ADD3: variants seen among roughly 807,000 people sequenced by gnomAD.
The protein encoded by ADD3 is gamma-adducin.
ADD3 carries 25 observed loss-of-function variants against 80.2 expected under a neutral mutation model. The ratio of observed to expected loss-of-function variants is 0.31; its 90% confidence interval spans 0.23 to 0.44. ADD3 has a LOEUF of 0.44. ADD3 is among the 20% of genes least tolerant of loss of function. The pLI is 1.00. For synonymous variants in ADD3, 284 were observed against 289.6 expected (o/e 0.98, Z 0.20); for missense variants, 829 against 847.5 (o/e 0.98, Z 0.27).
chr10:110,047,090 A>G (rs1001371833), intron 1 of ADD3, among the ~76,000 whole-genome samples: 2 of 152,204 alleles, frequency 1.3e-5, no homozygotes, highest in African/African-American at 2.4e-5. Context: ...TTTAAAAGCC[A>G]TGCTATTCTA....
intron 2 of ADD3, among the ~76,000 whole-genome samples, chr10:110,110,859 G>C (rs566767338): frequency 5.1e-4 from 77 of 152,118 alleles, no homozygotes; most frequent in African/African-American, 1.7e-3. Context: ...GCCGGGCATG[G>C]TTGTGCACAC....
At chr10:110,122,501 T>C (rs1183844224) in intron 9 of ADD3, among the ~76,000 whole-genome samples, 1 of 152,196 alleles carries the variant, frequency 6.6e-6, no homozygotes, top group Non-Finnish European at 1.5e-5. Context: ...TATATTGTTA[T>C]TAACTGTAGT....
At chr10:110,061,282 G>A (rs1858853347) in intron 1 of ADD3, among the ~76,000 whole-genome samples, 1 of 152,216 alleles carries the variant, frequency 6.6e-6, no homozygotes, top group African/African-American at 2.4e-5. Context: ...GTAGTAGAGA[G>A]GGACTTATGG....
intron 1 of ADD3, among the ~76,000 whole-genome samples, chr10:110,019,236 T>C (rs1295106896): frequency 6.6e-6 from 1 of 152,224 alleles, no homozygotes; most frequent in Non-Finnish European, 1.5e-5. Context: ...TTTCAGATTT[T>C]AGATTTGTTC....
intron 6 of ADD3, 93 bp downstream of exon 6, chr10:110,118,829 A>C (rs1036004930): frequency 2.3e-6 from 3 of 1,286,400 alleles, no homozygotes; most frequent in African/African-American, 1.5e-5. Flanking sequence ...CTGCTTTTCA[A>C]AATCATATTT....
intron 1 of ADD3, among the ~76,000 whole-genome samples, chr10:110,062,351 G>T (rs1240217147): frequency 2.6e-5 from 4 of 151,030 alleles, no homozygotes; most frequent in African/African-American, 7.3e-5. Context: ...CCAAGATCAT[G>T]CCATTGCATG....
intron 1 of ADD3, among the ~76,000 whole-genome samples, chr10:110,032,844 A>G (rs1043741574): frequency 6.6e-6 from 1 of 152,194 alleles, no homozygotes; most frequent in Admixed American, 6.5e-5. Context: ...ATTTCTCTTC[A>G]TCTAAAGTAT....
intron 5 of ADD3, among the ~76,000 whole-genome samples, chr10:110,118,074 A>ACACACACACACACACACACAC (rs1565014036): frequency 7.2e-6 from 1 of 138,864 alleles, no homozygotes; most frequent in Non-Finnish European, 1.6e-5. Context: ...ACACACACAC[A>ACACACACACACACACACACAC]ATGTTCATAG....
chr10:110,068,442 A>C (rs569321289), intron 1 of ADD3, among the ~76,000 whole-genome samples: 1 of 152,360 alleles, frequency 6.6e-6, no homozygotes, highest in Admixed American at 6.5e-5. Flanking sequence ...TGTATTAGGC[A>C]TCATAAGTAA....
At chr10:110,031,614 G>A (rs1235510028) in intron 1 of ADD3, among the ~76,000 whole-genome samples, 2 of 151,894 alleles carry the variant, frequency 1.3e-5, no homozygotes, top group African/African-American at 2.4e-5. Flanking sequence ...TTGGCAAATG[G>A]TGTTGACTGA....
At chr10:110,120,372 A>G (rs1347006253) in intron 8 of ADD3, among the ~76,000 whole-genome samples, 20 of 150,196 alleles carry the variant, frequency 1.3e-4, no homozygotes, top group African/African-American at 4.4e-4. Context: ...ATGATTTCCA[A>G]TTTCATCCAT....
Position 110,118,598 on chromosome 10 carries a change from T to C in ADD3, c.579T>C (p.Asn193=). 6.2e-7 allele frequency: 1 copy of C among 1,613,874 alleles called. No individual in the cohort carries two copies. The highest frequency in any genetic ancestry group is 8.5e-7 in the Non-Finnish European group (1 of 1,179,760). The change falls in exon 6 of 15, where the codon AAT becomes AAC. Residue 193 remains asparagine (N), a synonymous_variant. Transcript: ENST00000356080. ...CTGATTTTTTCCAGGTGAAAGTCAA[T>C]ATAATAGGAGAAGTGGTTGACCAGG... is the stretch of plus-strand genomic sequence containing the variant. ...EATASNLVKV[N]IIGEVVDQGS...
chr10:110,005,992 T>TGCTGCTGCTGCTGCCGCCGCC (rs1554894480), upstream of ADD3: 1 of 244,856 alleles, frequency 4.1e-6, no homozygotes, highest in Non-Finnish European at 8.3e-6. Context: ...CTGCTAATGC[T>TGCTGCTGCTGCTGCCGCCGCC]GCTGCTGCTG....
chr10:110,004,533 T>C (rs1209729227), upstream of ADD3, among the ~76,000 whole-genome samples: 1 of 151,646 alleles, frequency 6.6e-6, no homozygotes, highest in East Asian at 2.0e-4. Context: ...ATGGTCTTGA[T>C]CTCTTGACCT....
chr10:110,058,032 T>A (rs1858418042), intron 1 of ADD3, among the ~76,000 whole-genome samples: 1 of 152,190 alleles, frequency 6.6e-6, no homozygotes, highest in South Asian at 2.1e-4. Flanking sequence ...AGGGACAAAA[T>A]GATTTTCCCA....
At chr10:110,118,554 A>G (rs371842467) in intron 5 of ADD3, 33 bp from the exon 6 acceptor site, 17 of 1,594,644 alleles carry the variant, frequency 1.1e-5, no homozygotes, top group Middle Eastern at 3.3e-4. Flanking sequence ...ATACGTATAT[A>G]CCAGTTAAAT....
intron 1 of ADD3, among the ~76,000 whole-genome samples, chr10:110,073,921 T>C (rs1165703627): frequency 6.6e-6 from 1 of 152,006 alleles, no homozygotes; most frequent in African/African-American, 2.4e-5. Flanking sequence ...GACAGACCTT[T>C]TTTTTTTTTC....
intron 1 of ADD3, among the ~76,000 whole-genome samples, chr10:110,063,466 G>GAACT (rs755424254): frequency 1.3e-5 from 2 of 151,644 alleles, no homozygotes; most frequent in Non-Finnish European, 2.9e-5. Context: ...TCATATAGGA[G>GAACT]AACTTAGATT....
chr10:110,073,074 G>C (rs1478178589), intron 1 of ADD3, among the ~76,000 whole-genome samples: 1 of 150,794 alleles, frequency 6.6e-6, no homozygotes, highest in African/African-American at 2.4e-5. Context: ...ATCACTGTTC[G>C]ACTTATCTCC....
Sources: gnomAD v4.1 joint callset for allele counts (sites outside exome capture counted in the v4.1 genomes callset) on GRCh38, gnomAD v4.1.1 for gene constraint, MANE v1.5 for transcripts, NCBI Gene and HGNC (gene_info 2026-07-23, HGNC 2026-07-21) for gene names.